Variants in SLC24A2 observed in about 807,000 individuals in gnomAD.
SLC24A2 encodes the protein sodium/potassium/calcium exchanger 2.
Under a neutral mutation model 62.0 loss-of-function variants are expected in SLC24A2, and 36 were observed. The observed-to-expected ratio is 0.58, with a 90% CI of 0.44 to 0.77. The LOEUF (loss-of-function observed/expected upper bound fraction) is 0.77, where lower values mean the gene tolerates loss of function less well. SLC24A2 is among the 30% of genes least tolerant of loss of function. The probability of loss-of-function intolerance (pLI) is 0.00; values close to 1 mark genes in which losing one functional copy is unlikely to be tolerated. For missense variants in SLC24A2, 846 were observed against 817.9 expected (o/e 1.03, Z -0.42); for synonymous variants, 358 against 294.0 (o/e 1.22, Z -2.23).
At chr9:20,197,470 T>A in the SLC24A2 span, among the ~76,000 whole-genome samples, 1 of 149,096 alleles carries the variant, frequency 6.7e-6, no homozygotes, top group Non-Finnish European at 1.5e-5. Flanking sequence ...CTCACTCTGT[T>A]ACCCAGGCTA....
At chr9:19,850,932 C>CAT in the SLC24A2 span, among the ~76,000 whole-genome samples, 4,146 of 47,922 alleles carry the variant, frequency 0.087, 483 homozygotes, top group Non-Finnish European at 0.13. Context: ...CTCATGTGGG[C>CAT]ATATATATAT....
the SLC24A2 span, among the ~76,000 whole-genome samples, chr9:20,290,553 G>C: frequency 6.6e-6 from 1 of 152,262 alleles, no homozygotes; most frequent in Non-Finnish European, 1.5e-5. Context: ...TGTGATCACA[G>C]AGAAAGCTTA....
chr9:19,762,313 T>G (rs1416985982), intron 2 of SLC24A2, among the ~76,000 whole-genome samples: 2 of 152,236 alleles, frequency 1.3e-5, no homozygotes, highest in African/African-American at 4.8e-5. Context: ...TTTAGGTTAA[T>G]TAGATCCCAT....
intron 7 of SLC24A2, among the ~76,000 whole-genome samples, chr9:19,557,060 G>A (rs183498370): frequency 6.6e-6 from 1 of 152,198 alleles, no homozygotes; most frequent in Admixed American, 6.5e-5. Context: ...TGATGGGTAG[G>A]GAACCTGAGA....
chr9:19,841,967 T>C, the SLC24A2 span, among the ~76,000 whole-genome samples: 2 of 152,184 alleles, frequency 1.3e-5, no homozygotes, highest in African/African-American at 2.4e-5. Flanking sequence ...GAATTATCTG[T>C]CTAATATTAC....
chr9:19,836,387 A>C, the SLC24A2 span, among the ~76,000 whole-genome samples: 1 of 152,174 alleles, frequency 6.6e-6, no homozygotes, highest in Admixed American at 6.5e-5. Context: ...AAAAAATGAC[A>C]AAGGGGATAC....
the SLC24A2 span, among the ~76,000 whole-genome samples, chr9:20,148,911 C>A: frequency 1.3e-5 from 2 of 152,064 alleles, no homozygotes; most frequent in East Asian, 3.9e-4. Context: ...AAATTCAAAA[C>A]ATTTTTTAAA....
the SLC24A2 span, among the ~76,000 whole-genome samples, chr9:20,202,164 AG>A: frequency 6.6e-6 from 1 of 151,984 alleles, no homozygotes. Flanking sequence ...ATGAAGCAGA[AG>A]AAGTGCTACT....
chr9:19,760,938 A>T lies in SLC24A2; in HGVS notation c.930+24999T>A, dbSNP rs377155257. On this transcript the variant is annotated intron_variant, in intron 2 of 10. Coordinates refer to ENST00000341998, the MANE Select transcript of SLC24A2 (RefSeq NM_020344.4). ...CCGGGTGGGGGGAGGGTGGAGGGTTAGCATTAGGAGATACACCTCACGTAA... is the reference window on the plus strand; with the variant it reads ...CCGGGTGGGGGGAGGGTGGAGGGTTTGCATTAGGAGATACACCTCACGTAA... Among the ~76,000 whole-genome samples, 564 of 152,042 alleles carry T rather than the reference A, an allele frequency of 3.7e-3. 6 individuals are homozygous for T. Among genetic ancestry groups the T allele is most frequent in the African/African-American group, 0.013 (532 of 41,418 alleles).
chr9:20,073,893 C>T, the SLC24A2 span, among the ~76,000 whole-genome samples: 1 of 123,814 alleles, frequency 8.1e-6, no homozygotes, highest in African/African-American at 3.1e-5. Flanking sequence ...TATATATACA[C>T]ACATATATAT....
intron 2 of SLC24A2, among the ~76,000 whole-genome samples, chr9:19,647,064 G>GCACA (rs1227341512): frequency 1.3e-3 from 32 of 25,208 alleles, no homozygotes; most frequent in African/African-American, 6.8e-3. Flanking sequence ...ACACACACAC[G>GCACA]CGCGCACACA....
the SLC24A2 span, among the ~76,000 whole-genome samples, chr9:20,159,538 G>T: frequency 1.3e-5 from 2 of 151,602 alleles, no homozygotes; most frequent in East Asian, 3.9e-4. Flanking sequence ...TGCGGTAAAT[G>T]ATAGGGGTAG....
At chr9:20,125,531 G>A in the SLC24A2 span, among the ~76,000 whole-genome samples, 5 of 152,128 alleles carry the variant, frequency 3.3e-5, no homozygotes, top group South Asian at 2.1e-4. Flanking sequence ...AAATTTTATA[G>A]TACAGGGTCA....
At chr9:19,775,061 A>T (rs1375517945) in intron 2 of SLC24A2, among the ~76,000 whole-genome samples, 3 of 152,140 alleles carry the variant, frequency 2.0e-5, no homozygotes, top group African/African-American at 7.2e-5. Flanking sequence ...GATGAAAGGG[A>T]CTTCTTTCCA....
At chr9:19,925,317 A>T in the SLC24A2 span, among the ~76,000 whole-genome samples, 90 of 152,298 alleles carry the variant, frequency 5.9e-4, no homozygotes, top group African/African-American at 2.0e-3. Context: ...TTCATCTCAT[A>T]TATATAGGCA....
At chr9:19,979,840 G>C in the SLC24A2 span, among the ~76,000 whole-genome samples, 1 of 152,168 alleles carries the variant, frequency 6.6e-6, no homozygotes, top group Non-Finnish European at 1.5e-5. Context: ...CACTCACAAC[G>C]CAACTTTAAC....
At chr9:19,656,119 A>G (rs1818935131) in intron 2 of SLC24A2, among the ~76,000 whole-genome samples, 2 of 152,330 alleles carry the variant, frequency 1.3e-5, no homozygotes, top group Admixed American at 1.3e-4. Context: ...ACTGTGAACC[A>G]GAATGTGTTT....
chr9:19,550,080 AC>A, intron 8 of SLC24A2, 56 bp downstream of exon 8: 2 of 1,568,104 alleles, frequency 1.3e-6, no homozygotes, highest in Non-Finnish European at 1.8e-6. Context: ...CAGACTATGC[AC>A]CCTGTTATGT....
chr9:19,865,304 A>G, the SLC24A2 span, among the ~76,000 whole-genome samples: 19,862 of 152,108 alleles, frequency 0.13, 1,493 homozygotes, highest in East Asian at 0.24. Context: ...AAATACCAAT[A>G]ACATTCTTCA....
Sources: gnomAD v4.1 joint callset for allele counts (sites outside exome capture counted in the v4.1 genomes callset) on GRCh38, gnomAD v4.1.1 for gene constraint, MANE v1.5 for transcripts, NCBI Gene and HGNC (gene_info 2026-07-23, HGNC 2026-07-21) for gene names.